LSAMP: variants seen among roughly 807,000 people sequenced by gnomAD.
LSAMP encodes limbic system-associated membrane protein.
Under a neutral mutation model 38.6 loss-of-function variants are expected in LSAMP, and 7 were observed. That is an observed-to-expected ratio of 0.18 (90% CI 0.10 to 0.34). LSAMP has a LOEUF of 0.34. Among genes scored for constraint, LSAMP ranks in the 10% least tolerant of loss-of-function variants. The pLI is 1.00. For missense variants in LSAMP, 313 were observed against 420.0 expected (o/e 0.75, Z 2.23); for synonymous variants, 154 against 166.8 (o/e 0.92, Z 0.59).
At chr3:115,822,841 G>A (rs372787248) in intron 6 of LSAMP, among the ~76,000 whole-genome samples, 36 of 152,252 alleles carry the variant, frequency 2.4e-4, no homozygotes, top group African/African-American at 8.2e-4. Flanking sequence ...ACCGCTAAAG[G>A]CTTTTCTTCT....
chr3:115,869,894 T>C (rs1053256729), intron 3 of LSAMP, among the ~76,000 whole-genome samples: 4 of 152,024 alleles, frequency 2.6e-5, no homozygotes, highest in African/African-American at 9.7e-5. Flanking sequence ...GAGATTGTTG[T>C]TTATTTTTTC....
At chr3:115,835,564 C>T (rs1316110345) in intron 6 of LSAMP, among the ~76,000 whole-genome samples, 2 of 152,146 alleles carry the variant, frequency 1.3e-5, no homozygotes, top group African/African-American at 2.4e-5. Flanking sequence ...TTTCTCCTAG[C>T]AGCTTGATTA....
At chr3:116,226,207 C>A (rs1303767282) in intron 1 of LSAMP, among the ~76,000 whole-genome samples, 2 of 152,168 alleles carry the variant, frequency 1.3e-5, no homozygotes, top group Non-Finnish European at 2.9e-5. Flanking sequence ...CTTCTCCTGA[C>A]CTTTAGGTCC....
chr3:115,875,298 T>A (rs1936153148), intron 3 of LSAMP, among the ~76,000 whole-genome samples: 1 of 152,142 alleles, frequency 6.6e-6, no homozygotes, highest in Non-Finnish European at 1.5e-5. Flanking sequence ...TGAATAAGAT[T>A]TTCCTCCTGC....
intron 1 of LSAMP, among the ~76,000 whole-genome samples, chr3:116,142,510 C>T (rs1334897490): frequency 1.3e-5 from 2 of 151,982 alleles, no homozygotes; most frequent in African/African-American, 4.8e-5. Flanking sequence ...CATGTTGGGA[C>T]AGATCCAACT....
At chr3:116,147,716 CAAGT>C (rs1709521331) in intron 1 of LSAMP, among the ~76,000 whole-genome samples, 1 of 151,780 alleles carries the variant, frequency 6.6e-6, no homozygotes, top group African/African-American at 2.4e-5. Flanking sequence ...CAAAAAATCC[CAAGT>C]AAGTGTCATT....
intron 1 of LSAMP, among the ~76,000 whole-genome samples, chr3:116,285,878 G>T (rs1464124376): frequency 6.6e-6 from 1 of 152,160 alleles, no homozygotes; most frequent in Non-Finnish European, 1.5e-5. Context: ...AGGAATTTGG[G>T]AGACAGCGAA....
At chr3:116,070,535 G>C (rs1707575539) in intron 2 of LSAMP, among the ~76,000 whole-genome samples, 1 of 152,282 alleles carries the variant, frequency 6.6e-6, no homozygotes, top group African/African-American at 2.4e-5. Context: ...TCAGTAAATG[G>C]TTAAAGGAGC....
intron 3 of LSAMP, among the ~76,000 whole-genome samples, chr3:115,893,900 T>C (rs910384729): frequency 6.6e-6 from 1 of 151,980 alleles, no homozygotes; most frequent in Non-Finnish European, 1.5e-5. Context: ...GGAATCAACA[T>C]GCATACTCCG....
intron 3 of LSAMP, among the ~76,000 whole-genome samples, chr3:115,910,170 C>A (rs1260714024): frequency 6.6e-6 from 1 of 152,110 alleles, no homozygotes; most frequent in South Asian, 2.1e-4. Flanking sequence ...TTTAAAGTCC[C>A]ATAGCTAGTA....
At chr3:116,246,734 T>C (rs531499809) in intron 1 of LSAMP, among the ~76,000 whole-genome samples, 2 of 152,228 alleles carry the variant, frequency 1.3e-5, no homozygotes, top group Admixed American at 1.3e-4. Context: ...AAGTGATGCA[T>C]ATGGCAGGGT....
In LSAMP at chr3:115,805,246, G is replaced by A. The variant is rs1321464757; in HGVS notation, c.*5071C>T. The stretch of plus-strand genomic sequence containing the variant: ...CACTTAGATCCTGAAAGACCAAAGA[G>A]GTGACTTGAGCAGGATATAAACCTT... On this transcript the variant is annotated 3_prime_UTR_variant, in exon 7 of 7. Coordinates refer to ENST00000490035, the MANE Select transcript of LSAMP (RefSeq NM_002338.5). The A allele has an allele frequency of 6.6e-6, 1 of 152,210 alleles. No homozygotes were observed. The highest frequency in any genetic ancestry group is 1.5e-5 in the Non-Finnish European group (1 of 68,036). The allele number at this position is 152,210 out of a possible 1,614,324, so 9.4% of individuals were successfully genotyped here.
chr3:116,038,995 A>T (rs1941107929), intron 2 of LSAMP, among the ~76,000 whole-genome samples: 1 of 152,174 alleles, frequency 6.6e-6, no homozygotes, highest in Non-Finnish European at 1.5e-5. Flanking sequence ...CCTATATTTG[A>T]TGCAGTTCCA....
chr3:115,822,362 CTTTTTTTT>C (rs57335228), intron 6 of LSAMP, among the ~76,000 whole-genome samples: 1 of 120,864 alleles, frequency 8.3e-6, no homozygotes, highest in Non-Finnish European at 1.8e-5. Flanking sequence ...TTCTTTCCTT[CTTTTTTTT>C]TTTTTTTTTG....
chr3:116,425,603 C>T (rs1239774837), intron 1 of LSAMP, among the ~76,000 whole-genome samples: 1 of 152,026 alleles, frequency 6.6e-6, no homozygotes, highest in Admixed American at 6.6e-5. Context: ...TGAAATGTTA[C>T]TCAGACCAAG....
intron 1 of LSAMP, among the ~76,000 whole-genome samples, chr3:116,410,099 T>C (rs1021692537): frequency 6.6e-6 from 1 of 152,078 alleles, no homozygotes; most frequent in African/African-American, 2.4e-5. Context: ...GAGTTTTCAT[T>C]ATGAGGATAC....
chr3:115,854,516 A>G (rs1200362366), intron 3 of LSAMP, among the ~76,000 whole-genome samples: 1 of 152,018 alleles, frequency 6.6e-6, no homozygotes, highest in Admixed American at 6.6e-5. Context: ...TCTCCTAAAT[A>G]TTATTTTTAA....
chr3:115,944,686 T>A (rs916071742), intron 3 of LSAMP, among the ~76,000 whole-genome samples: 5 of 152,224 alleles, frequency 3.3e-5, no homozygotes, highest in African/African-American at 9.6e-5. Flanking sequence ...GCTATCATTA[T>A]TCACATTTTA....
Position 116,298,927 on chromosome 3 carries a change from G to GTATT in LSAMP, c.155+145946_155+145949dup, listed in dbSNP as rs201850947. Among the ~76,000 whole-genome samples, 21 of 152,272 alleles carry GTATT rather than the reference G, an allele frequency of 1.4e-4. No individual in the cohort carries two copies. The East Asian group carries it at 3.9e-3, about 28-fold the overall frequency. The stretch of plus-strand genomic sequence containing the variant: ...GAGCAATGTATACCCTTACATGTGG[G>GTATT]TATTTGCCAAACACTTAAGGACTTA... On this transcript the variant is annotated intron_variant, in intron 1 of 6. Transcript: ENST00000490035.
Sources: allele counts gnomAD v4.1 joint callset (sites outside exome capture counted in the v4.1 genomes callset), GRCh38; gene constraint gnomAD v4.1.1; transcripts MANE v1.5; gene names NCBI Gene and HGNC (gene_info 2026-07-23, HGNC 2026-07-21).